The following SYNE1 variants were observed in gnomAD, a reference collection of about 807,000 sequenced individuals.
The protein encoded by SYNE1 is nesprin-1.
A neutral mutation model predicts 1,111.0 loss-of-function variants in SYNE1; 616 were observed. The observed-to-expected ratio is 0.55, with a 90% confidence interval of 0.52 to 0.59. The LOEUF (loss-of-function observed/expected upper bound fraction) is 0.59, where lower values mean the gene tolerates loss of function less well. Among genes scored for constraint, SYNE1 ranks in the 20% least tolerant of loss-of-function variants. SYNE1 has a pLI of 0.00. For synonymous variants in SYNE1, 3,855 were observed against 3,825.8 expected (o/e 1.01, Z -0.28); for missense variants, 10,006 against 10,417.0 (o/e 0.96, Z 1.72).
intron 14 of SYNE1, chr6:152,472,705 A>G: frequency 2.9e-6 from 2 of 686,764 alleles, no homozygotes; most frequent in Non-Finnish European, 2.6e-6. Flanking sequence ...ATCCAAAGGA[A>G]AATGTAATTA....
At chr6:152,599,393 C>G (rs936529682) in intron 3 of SYNE1, among the ~76,000 whole-genome samples, 3 of 152,208 alleles carry the variant, frequency 2.0e-5, no homozygotes, top group African/African-American at 7.2e-5. Flanking sequence ...ACTTCCCGCC[C>G]TTGACATGCT....
intron 64 of SYNE1, among the ~76,000 whole-genome samples, chr6:152,360,263 C>T (rs1053802608): frequency 3.9e-5 from 6 of 152,272 alleles, no homozygotes; most frequent in African/African-American, 1.4e-4. Flanking sequence ...CCCCTTGCAG[C>T]CCCTCCCTGC....
rs199776954 is a variant in SYNE1, at chr6:152,534,197, TG to T, written c.129+5762del. Among the ~76,000 whole-genome samples the T allele has an allele frequency of 5.7e-3, 822 of 144,776 alleles. 6 individuals are homozygous for T. Among genetic ancestry groups the T allele is most frequent in the African/African-American group, 0.021 (768 of 36,728 alleles). 95.0% of individuals were successfully genotyped at this position (144,776 alleles called of 152,430 possible). A position where few individuals can be genotyped will look rare whatever the true frequency, so the allele number is the denominator to read the frequency against. On this transcript the variant is annotated intron_variant, in intron 4 of 145. Coordinates refer to ENST00000367255, the MANE Select transcript of SYNE1 (RefSeq NM_182961.4). ...ATGAATGAATGAATGAATGAATGAA[TG>T]AATGAATAAATAAATAAATAAAATA...
At chr6:152,267,963 A>G in intron 100 of SYNE1, 93 bp downstream of exon 100, 3 of 1,114,460 alleles carry the variant, frequency 2.7e-6, no homozygotes, top group Non-Finnish European at 2.7e-6. Flanking sequence ...TTTGCAGAAG[A>G]TGTTTAAAAT....
intron 98 of SYNE1, among the ~76,000 whole-genome samples, chr6:152,270,335 C>G (rs370718714): frequency 5.8e-4 from 89 of 152,224 alleles, no homozygotes; most frequent in Admixed American, 1.1e-3. Context: ...CTTAATTGAG[C>G]CTTGAGAGGT....
At chr6:152,337,043 T>C in intron 75 of SYNE1, 26 bp from the exon 76 acceptor site, 2 of 1,607,894 alleles carry the variant, frequency 1.2e-6, no homozygotes, top group Non-Finnish European at 1.7e-6. Context: ...AGATAAAAGT[T>C]AGCAACCATA....
chr6:152,326,278 C>G lies in SYNE1; in HGVS notation c.15293+18G>C. ...ATTCATTTCACTAAAACATAAAACA[C>G]AAAACATCCTGAAATACCTCTGCAA... On this transcript the variant is annotated intron_variant, in intron 79 of 145. Transcript: ENST00000367255. 2 of 1,614,048 alleles carry G rather than the reference C, an allele frequency of 1.2e-6. No individual in the cohort carries two copies. Among genetic ancestry groups the G allele is most frequent in the Non-Finnish European group, 8.5e-7 (1 of 1,179,918 alleles).
At chr6:152,415,813 A>G (rs907563277) in intron 41 of SYNE1, among the ~76,000 whole-genome samples, 3 of 150,304 alleles carry the variant, frequency 2.0e-5, no homozygotes, top group African/African-American at 7.4e-5. Flanking sequence ...AAAAAAAAAA[A>G]AAGAAGAGGA....
In SYNE1 at chr6:152,347,316, T is replaced by C. The variant is rs938072468; in HGVS notation, c.11902-81A>G. 4.0e-6 allele frequency: 6 copies of C among 1,493,374 alleles called. No homozygotes were observed. The African/African-American group carries it at 8.3e-5, about 21-fold the overall frequency. 92.5% of individuals were successfully genotyped at this position (1,493,374 alleles called of 1,614,324 possible). A position where few individuals can be genotyped will look rare whatever the true frequency, so the allele number is the denominator to read the frequency against. On this transcript the variant is annotated intron_variant, in intron 72 of 145. Coordinates refer to ENST00000367255, the MANE Select transcript of SYNE1 (RefSeq NM_182961.4). ...CCATCAAAGTTTAAGATAGATTATT[T>C]CACTGTTTAATATTGTTTTTGAAAG...
Position 152,132,202 on chromosome 6 carries a change from A to G in SYNE1, c.26014T>C (p.Trp8672Arg), listed in dbSNP as rs770963270. 2 of 1,614,124 alleles carry G rather than the reference A, an allele frequency of 1.2e-6. No individual in the cohort carries two copies. The highest frequency in any genetic ancestry group is 2.2e-5 in the East Asian group (1 of 44,876). The change falls in exon 144 of 146, where the codon TGG becomes CGG. Residue 8672 changes from tryptophan (W) to arginine (R), a missense_variant. Coordinates refer to ENST00000367255, the MANE Select transcript of SYNE1 (RefSeq NM_182961.4). ...VSSSQQDLSS[W>R]SSADELDTSG... ...GTGTCCAGTTCATCAGCAGAAGACC[A>G]GGAAGACAAATCCTATGTGGGAGAA...
intron 3 of SYNE1, among the ~76,000 whole-genome samples, chr6:152,573,915 T>G (rs530317238): frequency 6.6e-6 from 1 of 152,282 alleles, no homozygotes; most frequent in African/African-American, 2.4e-5. Context: ...ATCAAAGCTC[T>G]GCTTCACCTG....
rs953064723 is a variant in SYNE1, at chr6:152,622,736, T to A, written c.67+5529A>T. Among the ~76,000 whole-genome samples the A allele has an allele frequency of 3.3e-5, 5 of 152,184 alleles. No homozygotes were observed. In the East Asian group the frequency reaches 9.6e-4, roughly 29 times the overall value. ...GTGCTGCGATGAACATATGAGTGCATGTTTCTTTATAATAGAATGATTTAT... is the reference window on the plus strand; with the variant it reads ...GTGCTGCGATGAACATATGAGTGCAAGTTTCTTTATAATAGAATGATTTAT... On this transcript the variant is annotated intron_variant, in intron 3 of 145. Coordinates refer to ENST00000367255, the MANE Select transcript of SYNE1 (RefSeq NM_182961.4).
intron 28 of SYNE1, among the ~76,000 whole-genome samples, chr6:152,447,930 C>T (rs573676711): frequency 6.6e-6 from 1 of 152,164 alleles, no homozygotes; most frequent in Non-Finnish European, 1.5e-5. Flanking sequence ...TGAGACGCCA[C>T]AATTGGCAAC....
In SYNE1 at chr6:152,331,274, G is replaced by A. The variant is rs759695514; in HGVS notation, c.13411C>T (p.Gln4471Ter). 6.2e-7 allele frequency: 1 copy of A among 1,614,054 alleles called. No individual in the cohort carries two copies. Among genetic ancestry groups the A allele is most frequent in the South Asian group, 1.1e-5 (1 of 91,072 alleles). Residue 4471 changes from glutamine (Q) to a stop codon, truncating the protein, a stop_gained, in exon 78 of 146, where the codon CAA becomes TAA. Transcript: ENST00000367255. LOFTEE classifies it high-confidence loss of function. ...CGGAACATTATCTTTCGCTCATGTTGCTGAATTTGGCTGGTGGCCTGGAAC... is the reference window on the plus strand; with the variant it reads ...CGGAACATTATCTTTCGCTCATGTTACTGAATTTGGCTGGTGGCCTGGAAC... ...AVFQATSQIQ[Q>*]HERKIMFREH... is the part of the protein sequence containing the mutation.
intron 87 of SYNE1, chr6:152,315,140 T>C (rs1182267955): frequency 1.3e-5 from 2 of 151,512 alleles, no homozygotes; most frequent in Non-Finnish European, 2.9e-5. Context: ...ATTTTCTATA[T>C]TTTGGATTGT....
At chr6:152,410,001 A>G (rs919156768) in intron 42 of SYNE1, among the ~76,000 whole-genome samples, 1 of 152,212 alleles carries the variant, frequency 6.6e-6, no homozygotes, top group African/African-American at 2.4e-5. Context: ...GTTCTTGCCA[A>G]CTCAAACTTA....
chr6:152,350,517 T>C, intron 71 of SYNE1, 101 bp downstream of exon 71: 1 of 1,537,122 alleles, frequency 6.5e-7, no homozygotes, highest in East Asian at 2.3e-5. Flanking sequence ...AAAAAAATAC[T>C]AACCCGTACC....
At chr6:152,426,008 C>G (rs945956943) in intron 38 of SYNE1, among the ~76,000 whole-genome samples, 1 of 152,164 alleles carries the variant, frequency 6.6e-6, no homozygotes, top group Non-Finnish European at 1.5e-5. Context: ...TTCTGCCTTT[C>G]TATTTAGAGT....
In SYNE1 at chr6:152,292,619, C is replaced by T. The variant is rs192804567; in HGVS notation, c.18012+969G>A. Among the ~76,000 whole-genome samples, 10 of 152,278 alleles carry T rather than the reference C, an allele frequency of 6.6e-5. No individual in the cohort carries two copies. In the East Asian group the frequency reaches 1.9e-3, roughly 29 times the overall value. ...ACAGGCAGTCTATTCCAAGGTTATC[C>T]TGCTTCCAAAACTAGAAAGATGTAA... On this transcript the variant is annotated intron_variant, in intron 95 of 145. Coordinates refer to ENST00000367255, the MANE Select transcript of SYNE1 (RefSeq NM_182961.4).
Sources: allele counts gnomAD v4.1 joint callset (sites outside exome capture counted in the v4.1 genomes callset), GRCh38; gene constraint gnomAD v4.1.1; transcripts MANE v1.5; gene names NCBI Gene and HGNC (gene_info 2026-07-23, HGNC 2026-07-21).